The following RNF13 variants were observed in gnomAD, a reference collection of about 807,000 sequenced individuals.
The protein encoded by RNF13 is E3 ubiquitin-protein ligase RNF13.
Under a neutral mutation model 37.7 loss-of-function variants are expected in RNF13, and 19 were observed. The observed-to-expected ratio is 0.50, with a 90% CI of 0.35 to 0.74. The LOEUF (loss-of-function observed/expected upper bound fraction) is 0.74. Ranked by LOEUF, RNF13 falls within the 30% of genes least tolerant of loss-of-function variation. The probability of loss-of-function intolerance (pLI) is 0.01; values close to 1 mark genes in which losing one functional copy is unlikely to be tolerated. For synonymous variants in RNF13, 144 were observed against 157.8 expected (o/e 0.91, Z 0.65); for missense variants, 375 against 453.0 (o/e 0.83, Z 1.56).
chr3:149,941,539 T>G (rs1226523599), intron 8 of RNF13, among the ~76,000 whole-genome samples: 4 of 151,470 alleles, frequency 2.6e-5, no homozygotes, highest in Non-Finnish European at 5.9e-5. Context: ...GGTTTTTTTT[T>G]TTTTTTTTTT....
intron 8 of RNF13, among the ~76,000 whole-genome samples, chr3:149,946,326 G>T (rs895807313): frequency 6.6e-6 from 1 of 152,200 alleles, no homozygotes; most frequent in African/African-American, 2.4e-5. Flanking sequence ...AGTGATTGCA[G>T]TTCTTTCAAA....
rs138107688 is a variant in RNF13, at chr3:149,814,284, T to G, written c.-17+931T>G. 14 of 152,350 alleles carry G rather than the reference T, an allele frequency of 9.2e-5. No homozygotes were observed. In the East Asian group the frequency reaches 2.7e-3, roughly 29 times the overall value. The allele number at this position is 152,350 out of a possible 1,614,324, so 9.4% of individuals were successfully genotyped here. A position where few individuals can be genotyped will look rare whatever the true frequency, so the allele number is the denominator to read the frequency against. On this transcript the variant is annotated intron_variant, in intron 1 of 9. Transcript: ENST00000392894. ...ACAATATAAATAAGTAAGGTGGCTG[T>G]GCCTCCAAAGAGTTCTTCTGGAGAA... is the stretch of plus-strand genomic sequence containing the variant.
chr3:149,915,461 A>C (rs1482624863), intron 7 of RNF13, among the ~76,000 whole-genome samples: 2 of 152,228 alleles, frequency 1.3e-5, no homozygotes, highest in Non-Finnish European at 2.9e-5. Context: ...GCAACTCCTC[A>C]AAAAATAAAA....
At chr3:149,939,842 T>A in intron 8 of RNF13, 3 of 498,374 alleles carry the variant, frequency 6.0e-6, no homozygotes, top group Non-Finnish European at 7.7e-6. Context: ...TGGACAGAGA[T>A]AAACGACTGC....
chr3:149,960,707 TACTA>T (rs776962097), intron 9 of RNF13, 29 bp from the exon 10 acceptor site: 6 of 1,560,912 alleles, frequency 3.8e-6, no homozygotes, highest in Non-Finnish European at 5.2e-6. Flanking sequence ...AACCGCAGCA[TACTA>T]ACTAAAGATG....
At chr3:149,933,846 A>G (rs1719422982) in intron 8 of RNF13, among the ~76,000 whole-genome samples, 1 of 152,062 alleles carries the variant, frequency 6.6e-6, no homozygotes, top group African/African-American at 2.4e-5. Flanking sequence ...AGCCTCCCAA[A>G]GTGTTAGGAT....
intron 5 of RNF13, among the ~76,000 whole-genome samples, chr3:149,896,888 C>T (rs1576840338): frequency 6.6e-6 from 1 of 152,044 alleles, no homozygotes; most frequent in South Asian, 2.1e-4. Flanking sequence ...ATTATTTTAA[C>T]CTCCTAGCTA....
intron 4 of RNF13, among the ~76,000 whole-genome samples, chr3:149,884,330 T>C (rs1713768117): frequency 4.6e-5 from 7 of 152,094 alleles, no homozygotes; most frequent in Admixed American, 4.6e-4. Flanking sequence ...GTAGCACTAC[T>C]ATTTTAGCTG....
intron 1 of RNF13, among the ~76,000 whole-genome samples, chr3:149,837,288 A>G (rs1054894952): frequency 1.5e-4 from 23 of 152,340 alleles, no homozygotes; most frequent in African/African-American, 5.5e-4. Flanking sequence ...AATGAATCTC[A>G]ATGTAATCTT....
intron 8 of RNF13, among the ~76,000 whole-genome samples, chr3:149,957,019 T>C (rs1351329281): frequency 3.9e-5 from 6 of 152,212 alleles, no homozygotes; most frequent in Non-Finnish European, 8.8e-5. Context: ...ATGGTGCTAA[T>C]AGTAACAAAA....
chr3:149,954,242 A>G (rs1721634278), intron 8 of RNF13, among the ~76,000 whole-genome samples: 1 of 152,088 alleles, frequency 6.6e-6, no homozygotes, highest in South Asian at 2.1e-4. Context: ...TCCTTATTGC[A>G]TCTAATTGAA....
chr3:149,821,508 C>G lies in RNF13; in HGVS notation c.-17+8155C>G, dbSNP rs141481708. On this transcript the variant is annotated intron_variant, in intron 1 of 9. Transcript: ENST00000392894. ...TCAAGTTCTTTGCCCTTTTAAAAAA[C>G]TACATTGTTGGTGTTTTTGTATTGA... 2.2e-3 allele frequency among the ~76,000 whole-genome samples: 340 copies of G among 152,166 alleles called. 2 individuals carry two copies. Among genetic ancestry groups the G allele is most frequent in the African/African-American group, 7.7e-3 (319 of 41,542 alleles).
At chr3:149,930,602 C>A (rs1055439248) in intron 8 of RNF13, among the ~76,000 whole-genome samples, 3 of 152,176 alleles carry the variant, frequency 2.0e-5, no homozygotes, top group Admixed American at 6.5e-5. Context: ...GATATACCCT[C>A]TGCTGTTTTC....
chr3:149,956,919 G>A (rs1025592981), intron 8 of RNF13, among the ~76,000 whole-genome samples: 5 of 152,084 alleles, frequency 3.3e-5, no homozygotes, highest in African/African-American at 1.2e-4. Flanking sequence ...GATGCCAGCC[G>A]CAACTCTCAG....
chr3:149,840,376 A>T (rs1411790275), intron 1 of RNF13, among the ~76,000 whole-genome samples: 1 of 152,004 alleles, frequency 6.6e-6, no homozygotes, highest in Non-Finnish European at 1.5e-5. Context: ...TATTATAGGC[A>T]TACTCAAAAT....
intron 1 of RNF13, among the ~76,000 whole-genome samples, chr3:149,840,878 C>T (rs1722114187): frequency 6.6e-6 from 1 of 152,158 alleles, no homozygotes; most frequent in Non-Finnish European, 1.5e-5. Flanking sequence ...ACCTTTCATA[C>T]CTACCAAAGA....
chr3:149,826,498 G>A (rs756430435), intron 1 of RNF13, among the ~76,000 whole-genome samples: 1 of 152,092 alleles, frequency 6.6e-6, no homozygotes, highest in Non-Finnish European at 1.5e-5. Context: ...TAAAAGACTT[G>A]TTGCTTGCTC....
Position 149,948,306 on chromosome 3 carries a change from A to G in RNF13, c.701-11750A>G, listed in dbSNP as rs140956685. Among the ~76,000 whole-genome samples the G allele has an allele frequency of 6.9e-3, 1,055 of 152,214 alleles. 9 individuals carry two copies. The highest frequency in any genetic ancestry group is 8.7e-3 in the Admixed American group (133 of 15,288). On this transcript the variant is annotated intron_variant, in intron 8 of 9. Transcript: ENST00000392894. The stretch of plus-strand genomic sequence containing the variant: ...TGTAAGCACTTTATTGTTGGATCTC[A>G]TATTTTTTAGCCATTCAATCAATGT...
chr3:149,903,754 A>G (rs528212577), intron 6 of RNF13, among the ~76,000 whole-genome samples: 1 of 152,316 alleles, frequency 6.6e-6, no homozygotes, highest in African/African-American at 2.4e-5. Flanking sequence ...CCCCATAATC[A>G]AACAAATTAA....
Sources: allele counts gnomAD v4.1 joint callset (sites outside exome capture counted in the v4.1 genomes callset), GRCh38; gene constraint gnomAD v4.1.1; transcripts MANE v1.5; gene names NCBI Gene and HGNC (gene_info 2026-07-23, HGNC 2026-07-21).